Variants in MACROD2 observed in about 807,000 individuals in gnomAD.
The protein encoded by MACROD2 is mono-ADP ribosylhydrolase 2.
MACROD2 carries 36 observed loss-of-function variants against 70.4 expected under a neutral mutation model. The ratio of observed to expected loss-of-function variants is 0.51; its 90% CI spans 0.39 to 0.68. MACROD2 has a LOEUF of 0.68. Among genes scored for constraint, MACROD2 ranks in the 30% least tolerant of loss-of-function variants. The pLI is 0.00. For missense variants in MACROD2, 496 were observed against 538.4 expected (o/e 0.92, Z 0.78); for synonymous variants, 172 against 178.8 (o/e 0.96, Z 0.30).
At chr20:14,582,604 G>T (rs1441350193) in intron 4 of MACROD2, among the ~76,000 whole-genome samples, 1 of 152,152 alleles carries the variant, frequency 6.6e-6, no homozygotes, top group East Asian at 1.9e-4. Context: ...GAGAAAAATG[G>T]TGCTAATGCA....
chr20:15,505,814 G>A (rs1286757714), intron 8 of MACROD2, among the ~76,000 whole-genome samples: 1 of 152,150 alleles, frequency 6.6e-6, no homozygotes, highest in African/African-American at 2.4e-5. Context: ...CTTTTATATA[G>A]GAGGAAGGTG....
chr20:14,223,818 A>C (rs2081705974), intron 3 of MACROD2, among the ~76,000 whole-genome samples: 1 of 152,034 alleles, frequency 6.6e-6, no homozygotes, highest in South Asian at 2.1e-4. Flanking sequence ...TCATATTGGG[A>C]CTGTATTAGT....
In MACROD2 at chr20:15,241,635, G is replaced by T. The variant is rs548047515; in HGVS notation, c.540+11574G>T. 5.3e-5 allele frequency among the ~76,000 whole-genome samples: 8 copies of T among 151,952 alleles called. No homozygotes were observed. The East Asian group carries it at 5.8e-4, about 11-fold the overall frequency. On this transcript the variant is annotated intron_variant, in intron 6 of 17. Transcript: ENST00000684519. ...GGCAGTATGGTGAATCAATCAGGAC[G>T]CTGTCTTGCAGAACAAGTGAAACAT...
At chr20:14,571,643 C>T (rs1470805805) in intron 4 of MACROD2, among the ~76,000 whole-genome samples, 1 of 152,040 alleles carries the variant, frequency 6.6e-6, no homozygotes, top group Admixed American at 6.6e-5. Flanking sequence ...GGGTCTTAAG[C>T]ATTTTTAATA....
At chr20:15,497,448 C>T (rs998984509) in intron 7 of MACROD2, among the ~76,000 whole-genome samples, 14 of 152,232 alleles carry the variant, frequency 9.2e-5, no homozygotes, top group African/African-American at 2.6e-4. Flanking sequence ...CCCGCCACCA[C>T]GTTTGGCTAA....
chr20:14,955,274 TTATA>T (rs1213872358), intron 5 of MACROD2, among the ~76,000 whole-genome samples: 5 of 137,500 alleles, frequency 3.6e-5, no homozygotes, highest in Non-Finnish European at 7.7e-5. Context: ...ATAATTTTTA[TTATA>T]TATAGTTTAT....
chr20:16,011,088 T>C (rs961634761), intron 15 of MACROD2, among the ~76,000 whole-genome samples: 64 of 152,138 alleles, frequency 4.2e-4, no homozygotes, highest in African/African-American at 1.5e-3. Context: ...TGAGACTGTG[T>C]TGGTGATGCA....
intron 4 of MACROD2, among the ~76,000 whole-genome samples, chr20:14,664,991 C>T (rs2070721635): frequency 6.6e-6 from 1 of 152,086 alleles, no homozygotes; most frequent in South Asian, 2.1e-4. Flanking sequence ...TACATGTGGA[C>T]AGCACTCGGA....
chr20:14,453,185 A>G (rs545855012), intron 3 of MACROD2, among the ~76,000 whole-genome samples: 7 of 152,212 alleles, frequency 4.6e-5, no homozygotes, highest in African/African-American at 1.2e-4. Context: ...GGACATTAAG[A>G]CCACCAAGGC....
intron 15 of MACROD2, among the ~76,000 whole-genome samples, chr20:16,024,068 T>C: frequency 6.6e-6 from 1 of 152,154 alleles, no homozygotes; most frequent in South Asian, 2.1e-4. Flanking sequence ...CTGCTCCAAA[T>C]AGCTAGGAGA....
chr20:14,974,926 A>G (rs192746966), intron 5 of MACROD2, among the ~76,000 whole-genome samples: 3 of 152,260 alleles, frequency 2.0e-5, no homozygotes, highest in Admixed American at 2.0e-4. Flanking sequence ...ACACACAATG[A>G]CAGACAAGCT....
chr20:15,312,271 A>T (rs1036166559), intron 6 of MACROD2, among the ~76,000 whole-genome samples: 2 of 152,238 alleles, frequency 1.3e-5, no homozygotes, highest in African/African-American at 4.8e-5. Context: ...GATATTTGAC[A>T]TGTAGAAATT....
intron 4 of MACROD2, among the ~76,000 whole-genome samples, chr20:14,650,867 CT>C (rs1985641296): frequency 6.6e-6 from 1 of 152,122 alleles, no homozygotes; most frequent in African/African-American, 2.4e-5. Flanking sequence ...GTCATTTGGT[CT>C]ATGATAAGCA....
In MACROD2 at chr20:15,360,028, C is replaced by T. The variant is rs1425270991; in HGVS notation, c.541-71377C>T. 2.6e-5 allele frequency among the ~76,000 whole-genome samples: 4 copies of T among 152,142 alleles called. No homozygotes were observed. In the East Asian group the frequency reaches 7.7e-4, roughly 29 times the overall value. On this transcript the variant is annotated intron_variant, in intron 6 of 17. Coordinates refer to ENST00000684519, the MANE Select transcript of MACROD2 (RefSeq NM_001351661.2). ...ACTCCCACCCACACCATCTCTAACA[C>T]CTGACAATCACAAATCTATCTACCC... is the stretch of plus-strand genomic sequence containing the variant.
chr20:15,494,774 T>C (rs13045476), intron 7 of MACROD2, among the ~76,000 whole-genome samples: 7 of 127,650 alleles, frequency 5.5e-5, no homozygotes, highest in South Asian at 3.4e-4. Flanking sequence ...CGCGTGTGTG[T>C]GTGCGCGCGT....
chr20:14,417,640 A>G (rs966922493), intron 3 of MACROD2, among the ~76,000 whole-genome samples: 12 of 152,234 alleles, frequency 7.9e-5, no homozygotes, highest in Admixed American at 2.0e-4. Context: ...TGTGTAGGAT[A>G]TTAGACAAAA....
rs144899230 is a variant in MACROD2, at chr20:14,958,652, G to T, written c.419-271288G>T. Among the ~76,000 whole-genome samples the T allele has an allele frequency of 2.0e-5, 3 of 152,124 alleles. No homozygotes were observed. In the East Asian group the frequency reaches 5.8e-4, roughly 29 times the overall value. ...CCCATGTCCAGATTCTATCCCTCAG[G>T]TACCCCAAATCAGTATGTAACCTAT... On this transcript the variant is annotated intron_variant, in intron 5 of 17. Transcript: ENST00000684519.
intron 5 of MACROD2, among the ~76,000 whole-genome samples, chr20:15,178,950 G>A (rs2076481272): frequency 6.6e-6 from 1 of 152,186 alleles, no homozygotes; most frequent in Admixed American, 6.5e-5. Context: ...ACAGGACTAT[G>A]AGGAAGCATA....
chr20:14,941,197 A>G (rs1284822221), intron 5 of MACROD2, among the ~76,000 whole-genome samples: 1 of 152,060 alleles, frequency 6.6e-6, no homozygotes, highest in Non-Finnish European at 1.5e-5. Context: ...AGTAATCCAT[A>G]ATAATTCTGT....
Sources: gnomAD v4.1 joint callset for allele counts (sites outside exome capture counted in the v4.1 genomes callset) on GRCh38, gnomAD v4.1.1 for gene constraint, MANE v1.5 for transcripts, NCBI Gene and HGNC (gene_info 2026-07-23, HGNC 2026-07-21) for gene names.